The following CPB1 variants were observed in gnomAD, a reference collection of about 807,000 sequenced individuals.
CPB1 encodes carboxypeptidase B1.
CPB1 carries 53 observed loss-of-function variants against 51.4 expected under a neutral mutation model. The ratio of observed to expected loss-of-function variants is 1.03; its 90% CI spans 0.83 to 1.30. CPB1 has a LOEUF of 1.30. Ranked by LOEUF, CPB1 falls within the 50% of genes most tolerant of loss-of-function variation. The pLI, the probability that CPB1 is intolerant of heterozygous loss-of-function variation, is 0.00. For missense variants in CPB1, 494 were observed against 516.2 expected (o/e 0.96, Z 0.42); for synonymous variants, 189 against 186.9 (o/e 1.01, Z -0.09).
At position 148,844,683 on chromosome 3, in the gene CPB1, T is replaced by C. The variant is rs73866671; in HGVS notation, c.694T>C (p.Phe232Leu). ...CTATGTAGTCCACTTTCAGAGCCGA[T>C]TTTGGAGAAAGACTCGCTCCACCCA... ...GYIYTWTKSRFWRKTRSTHTG... is the reference protein window; with the variant it reads ...GYIYTWTKSRLWRKTRSTHTG... The change falls in exon 8 of 11, where the codon TTT (phenylalanine) becomes CTT (leucine). Residue 232 changes from phenylalanine (F) to leucine (L), a missense_variant. By Grantham distance (22) the Phe-to-Leu change is conservative. Coordinates refer to ENST00000282957, the MANE Select transcript of CPB1 (RefSeq NM_001871.3). The C allele has an allele frequency of 5.5e-3, 8,850 of 1,613,906 alleles. 127 individuals carry two copies. Among genetic ancestry groups the C allele is most frequent in the Admixed American group, 0.05 (3,027 of 59,990 alleles).
intron 2 of CPB1, among the ~76,000 whole-genome samples, chr3:148,829,012 C>T (rs1712653310): frequency 6.6e-6 from 1 of 152,180 alleles, no homozygotes; most frequent in Non-Finnish European, 1.5e-5. Context: ...TGTTTGAGTA[C>T]TTCCAGGAAT....
chr3:148,848,667 G>C (rs1713327441), intron 9 of CPB1, among the ~76,000 whole-genome samples: 1 of 152,148 alleles, frequency 6.6e-6, no homozygotes, highest in Non-Finnish European at 1.5e-5. Flanking sequence ...AAAAATGTAT[G>C]TGCCTTCATT....
At chr3:148,857,739 TAA>T in intron 10 of CPB1, 198 bp downstream of exon 10, 1 of 456,826 alleles carries the variant, frequency 2.2e-6, no homozygotes, top group Non-Finnish European at 3.9e-6. Flanking sequence ...AACTTTTCTC[TAA>T]AAAAAATTAA....
intron 3 of CPB1, among the ~76,000 whole-genome samples, chr3:148,838,948 G>T (rs1160870840): frequency 6.6e-6 from 1 of 151,992 alleles, no homozygotes; most frequent in Non-Finnish European, 1.5e-5. Context: ...TAAAATCATT[G>T]TTCCTAACTA....
At chr3:148,839,484 C>T (rs1395449227) in intron 3 of CPB1, among the ~76,000 whole-genome samples, 2 of 152,170 alleles carry the variant, frequency 1.3e-5, no homozygotes, top group Non-Finnish European at 2.9e-5. Flanking sequence ...AATATTTCTC[C>T]ATGGAATAAC....
In CPB1 at chr3:148,844,610, G is replaced by A. The variant is rs13318851; in HGVS notation, c.687+22G>A. 5.4e-5 allele frequency: 87 copies of A among 1,610,826 alleles called. No homozygotes were observed. In the East Asian group the frequency reaches 1.8e-3, roughly 34 times the overall value. On this transcript the variant is annotated intron_variant, in intron 7 of 10. Transcript: ENST00000282957. ...CAAGGTATATGCACCAATACTGAGA[G>A]AGGCTGATGAAATTAAAACCAACGC...
intron 3 of CPB1, among the ~76,000 whole-genome samples, chr3:148,838,567 G>A (rs570152353): frequency 1.3e-5 from 2 of 151,916 alleles, no homozygotes; most frequent in African/African-American, 4.8e-5. Flanking sequence ...TGTTATCCTT[G>A]AATATCATTT....
Position 148,844,775 on chromosome 3 carries a change from TCTGGC to T in CPB1, c.778+9_778+13del, listed in dbSNP as rs1414088982. 2 of 1,612,426 alleles carry T rather than the reference TCTGGC, an allele frequency of 1.2e-6. No individual in the cohort carries two copies. Reference sequence around the variant, plus strand: ...TTGATGCTGGTTGGTGTGGTAAGTATCTGGCTAGCCATTTTGCATGTATCCATTGA... The same window carrying T: ...TTGATGCTGGTTGGTGTGGTAAGTATTAGCCATTTTGCATGTATCCATTGA... On this transcript the variant is annotated intron_variant, in intron 8 of 10. Transcript: ENST00000282957.
chr3:148,843,417 TAC>T (rs1713148137), intron 6 of CPB1, among the ~76,000 whole-genome samples: 1 of 152,066 alleles, frequency 6.6e-6, no homozygotes, highest in Admixed American at 6.5e-5. Context: ...AGCACTTCCG[TAC>T]ATATTTGTTA....
intron 1 of CPB1, 30 bp downstream of exon 1, chr3:148,827,924 CTTCT>C: frequency 6.2e-7 from 1 of 1,611,870 alleles, no homozygotes; most frequent in Non-Finnish European, 8.5e-7. Context: ...GGAGCAAGTC[CTTCT>C]TCCTTGCTAG....
chr3:148,837,554 G>A lies in CPB1; in HGVS notation c.272+2932G>A, dbSNP rs527711456. ...TATAAAAGTATAAAATACTATACATGCTTCTCTATTTTGGAGCTGTGAGGC... is the reference window on the plus strand; with the variant it reads ...TATAAAAGTATAAAATACTATACATACTTCTCTATTTTGGAGCTGTGAGGC... On this transcript the variant is annotated intron_variant, in intron 3 of 10. Coordinates refer to ENST00000282957, the MANE Select transcript of CPB1 (RefSeq NM_001871.3). 4.0e-5 allele frequency among the ~76,000 whole-genome samples: 6 copies of A among 151,322 alleles called. No homozygotes were observed. The South Asian group carries it at 8.4e-4, about 21-fold the overall frequency.
At chr3:148,857,593 C>T (rs35811007) in intron 10 of CPB1, 52 bp downstream of exon 10, 98,092 of 1,405,374 alleles carry the variant, frequency 0.07, 3,955 homozygotes, top group Middle Eastern at 0.14. Flanking sequence ...AAAAAGCCAA[C>T]GAAAGGTTCC....
intron 10 of CPB1, among the ~76,000 whole-genome samples, chr3:148,857,876 G>A (rs958391392): frequency 1.3e-5 from 2 of 152,064 alleles, no homozygotes; most frequent in Non-Finnish European, 2.9e-5. Context: ...TCCAGCCCGG[G>A]TGACAGAGCA....
rs544189039 is a variant in CPB1, at chr3:148,828,204, G to A, written c.147+127G>A. Reference sequence around the variant, plus strand: ...TTTGGTAGCAAGAAATAAAAACTTGGAAAACATTTAGTGCCATAATGTCTT... The same window carrying A: ...TTTGGTAGCAAGAAATAAAAACTTGAAAAACATTTAGTGCCATAATGTCTT... On this transcript the variant is annotated intron_variant, in intron 2 of 10. Transcript: ENST00000282957. 3.9e-6 allele frequency: 3 copies of A among 768,604 alleles called. No homozygotes were observed. In the South Asian group the frequency reaches 5.6e-5, roughly 14 times the overall value. 47.6% of individuals were successfully genotyped at this position (768,604 alleles called of 1,614,324 possible).
chr3:148,844,651 G>T (rs1713181509), intron 7 of CPB1, 26 bp from the exon 8 acceptor site: 3 of 1,612,912 alleles, frequency 1.9e-6, no homozygotes, highest in African/African-American at 1.3e-5. Context: ...TATTATATTT[G>T]TCCTAACTAT....
At chr3:148,851,391 GAAAGAA>G (rs905287976) in intron 9 of CPB1, 1 of 131,806 alleles carries the variant, frequency 7.6e-6, no homozygotes, top group Non-Finnish European at 1.7e-5. Flanking sequence ...AAGAAAGAAA[GAAAGAA>G]AAAGAGAAAG....
chr3:148,835,101 A>G (rs1308686297), intron 3 of CPB1, among the ~76,000 whole-genome samples: 3 of 152,240 alleles, frequency 2.0e-5, no homozygotes, highest in African/African-American at 4.8e-5. Context: ...TCCCACCACT[A>G]TCTCTAATGG....
chr3:148,841,813 T>C lies in CPB1; in HGVS notation c.475-10T>C. On this transcript the variant is annotated splice_polypyrimidine_tract_variant and intron_variant, in intron 5 of 10. Transcript: ENST00000282957. ...AATCATGGTTTCCCTTTTCCTTTTG[T>C]TTGCAATAGGTTGGCAAAGCTGGAC... 6.2e-7 allele frequency: 1 copy of C among 1,611,816 alleles called. No individual in the cohort carries two copies. Among genetic ancestry groups the C allele is most frequent in the Non-Finnish European group, 8.5e-7 (1 of 1,177,970 alleles).
At chr3:148,827,971 T>C in intron 1 of CPB1, 31 bp from the exon 2 acceptor site, 3 of 1,612,934 alleles carry the variant, frequency 1.9e-6, no homozygotes, top group Non-Finnish European at 1.7e-6. Flanking sequence ...TCATTTCCAA[T>C]TCTCTGTGCT....
Sources: gnomAD v4.1 joint callset for allele counts (sites outside exome capture counted in the v4.1 genomes callset) on GRCh38, gnomAD v4.1.1 for gene constraint, MANE v1.5 for transcripts, NCBI Gene and HGNC (gene_info 2026-07-23, HGNC 2026-07-21) for gene names.